LRRIQ1: variants seen among roughly 807,000 people sequenced by gnomAD.
LRRIQ1 encodes the protein leucine rich repeats and IQ motif containing 1.
LRRIQ1 carries 210 observed loss-of-function variants against 211.9 expected under a neutral mutation model. That is an observed-to-expected ratio of 0.99 (90% CI 0.89 to 1.11). LRRIQ1 has a LOEUF of 1.11. Among genes scored for constraint, LRRIQ1 ranks in the 50% most tolerant of loss-of-function variants. The pLI, the probability that LRRIQ1 is intolerant of heterozygous loss-of-function variation, is 0.00. For missense variants in LRRIQ1, 2,136 were observed against 1,939.5 expected, an observed-to-expected ratio of 1.10 and a Z score of -1.90; for synonymous variants, 699 against 650.1, an observed-to-expected ratio of 1.08 and a Z score of -1.14.
At chr12:85,216,069 CG>C (rs2137096089) in intron 24 of LRRIQ1, among the ~76,000 whole-genome samples, 1 of 152,240 alleles carries the variant, frequency 6.6e-6, no homozygotes, top group South Asian at 2.1e-4. Flanking sequence ...ATGTGCGGAA[CG>C]TGCAGGTTCG....
At chr12:85,235,162 G>A (rs1416196566) in intron 26 of LRRIQ1, among the ~76,000 whole-genome samples, 1 of 152,144 alleles carries the variant, frequency 6.6e-6, no homozygotes, top group Admixed American at 6.6e-5. Context: ...CATATTGCAT[G>A]ATAGGAATTA....
chr12:85,165,975 T>A (rs983937970), intron 24 of LRRIQ1, among the ~76,000 whole-genome samples: 1 of 152,214 alleles, frequency 6.6e-6, no homozygotes, highest in African/African-American at 2.4e-5. Flanking sequence ...GATTGCTGTG[T>A]CGAATGGTAG....
Position 85,055,267 on chromosome 12 carries a change from T to G in LRRIQ1, c.754-280T>G, listed in dbSNP as rs77168172. On this transcript the variant is annotated intron_variant, in intron 7 of 26. Coordinates refer to ENST00000393217, the MANE Select transcript of LRRIQ1 (RefSeq NM_001079910.2). Reference sequence around the variant, plus strand: ...CTTGCTTATTCTGTGTCTTTCTGATTTTATATGCTTTCTATCTTCAAGGAA... The same window carrying G: ...CTTGCTTATTCTGTGTCTTTCTGATGTTATATGCTTTCTATCTTCAAGGAA... Among the ~76,000 whole-genome samples, 940 of 152,162 alleles carry G rather than the reference T, an allele frequency of 6.2e-3. 10 individuals carry two copies. Among genetic ancestry groups the G allele is most frequent in the African/African-American group, 0.022 (899 of 41,562 alleles).
At chr12:85,184,813 T>C (rs1436728647) in intron 24 of LRRIQ1, among the ~76,000 whole-genome samples, 1 of 152,034 alleles carries the variant, frequency 6.6e-6, no homozygotes, top group East Asian at 1.9e-4. Flanking sequence ...GCAGTTTTAA[T>C]GTTAAACATA....
chr12:85,131,048 TA>T (rs35852058), intron 18 of LRRIQ1, among the ~76,000 whole-genome samples: 50,719 of 130,030 alleles, frequency 0.39, 12,697 homozygotes, highest in African/African-American at 0.74. Context: ...TCATCTCTAC[TA>T]AAAAAAAAAA....
At chr12:85,269,054 G>A (rs922324812), downstream of LRRIQ1, among the ~76,000 whole-genome samples, 2 of 151,962 alleles carry the variant, frequency 1.3e-5, no homozygotes, top group Non-Finnish European at 2.9e-5. Flanking sequence ...GAAGAATACA[G>A]CCTAAATAAA....
At chr12:85,111,622 T>G (rs1399704781) in intron 15 of LRRIQ1, among the ~76,000 whole-genome samples, 2 of 152,130 alleles carry the variant, frequency 1.3e-5, no homozygotes, top group African/African-American at 2.4e-5. Flanking sequence ...TTGTTTTTAG[T>G]GAGCAATAGA....
At chr12:85,145,460 AT>A (rs945314899) in intron 19 of LRRIQ1, among the ~76,000 whole-genome samples, 1 of 151,652 alleles carries the variant, frequency 6.6e-6, no homozygotes, top group African/African-American at 2.4e-5. Context: ...GTTTACCCTA[AT>A]TTATTAAGTG....
intron 9 of LRRIQ1, 30 bp from the exon 10 acceptor site, chr12:85,066,718 A>G: frequency 6.4e-7 from 1 of 1,554,838 alleles, no homozygotes. Context: ...CCATTGAAAT[A>G]AAACTAATTA....
At chr12:85,262,680 C>A (rs1039578007) in intron 1 of LRRIQ1, among the ~76,000 whole-genome samples, 48 of 152,162 alleles carry the variant, frequency 3.2e-4, no homozygotes, top group African/African-American at 1.2e-3. Context: ...ACCATTATAT[C>A]TATTTAATAT....
At chr12:85,144,858 C>A (rs548456447) in intron 19 of LRRIQ1, among the ~76,000 whole-genome samples, 87 of 151,606 alleles carry the variant, frequency 5.7e-4, no homozygotes, top group Non-Finnish European at 1.0e-3. Context: ...TATCTTTACC[C>A]CTTTTCCATT....
chr12:85,164,184 G>A (rs1730506210), intron 24 of LRRIQ1, among the ~76,000 whole-genome samples: 1 of 152,114 alleles, frequency 6.6e-6, no homozygotes, highest in South Asian at 2.1e-4. Context: ...AAGATCTGCA[G>A]CCAAGTTTCT....
intron 24 of LRRIQ1, among the ~76,000 whole-genome samples, chr12:85,211,674 A>G (rs1275828720): frequency 6.6e-6 from 1 of 152,204 alleles, no homozygotes; most frequent in Non-Finnish European, 1.5e-5. Context: ...TGCCTCACAT[A>G]TTGACATGTA....
At chr12:85,138,114 A>G in intron 19 of LRRIQ1, 145 bp downstream of exon 19, 1 of 545,314 alleles carries the variant, frequency 1.8e-6, no homozygotes, top group East Asian at 3.2e-5. Flanking sequence ...TCCTAACATC[A>G]TCTTCTTTTA....
At chr12:85,213,773 C>G (rs2137082550) in intron 24 of LRRIQ1, among the ~76,000 whole-genome samples, 1 of 151,692 alleles carries the variant, frequency 6.6e-6, no homozygotes, top group African/African-American at 2.4e-5. Context: ...GTAACAATAA[C>G]AAAAACACCA....
At chr12:85,175,652 G>A (rs933443205) in intron 24 of LRRIQ1, among the ~76,000 whole-genome samples, 3 of 152,090 alleles carry the variant, frequency 2.0e-5, no homozygotes, top group African/African-American at 7.2e-5. Context: ...TAATGTTTAA[G>A]TCTTTAATCC....
In LRRIQ1 at chr12:85,056,681, T is replaced by G; in HGVS notation, c.1888T>G (p.Leu630Val). ...CAAAGATGTAAGAGAAAACGTAATA[T>G]TACAAGAAAAAGAAATTTATTCAAA... is the stretch of plus-strand genomic sequence containing the variant. ...NSKDVRENVI[L>V]QEKEIYSKSK... Residue 630 changes from leucine (L) to valine (V), a missense_variant, in exon 8 of 27, where the codon TTA (leucine) becomes GTA (valine). Transcript: ENST00000393217. The G allele has an allele frequency of 6.2e-7, 1 of 1,605,512 alleles. No homozygotes were observed. Among genetic ancestry groups the G allele is most frequent in the Non-Finnish European group, 8.5e-7 (1 of 1,176,732 alleles).
rs756156616 is a variant in LRRIQ1 at position 85,073,031 on chromosome 12, G to T, written c.2820G>T (p.Trp940Cys). The change falls in exon 11 of 27, where the codon TGG (tryptophan) becomes TGT (cysteine). Residue 940 changes from tryptophan to cysteine, a missense_variant. Transcript: ENST00000393217. The stretch of plus-strand genomic sequence containing the variant: ...TTCCAACTGGATTATGTTGGTCCTG[G>T]ATACCTATTACCTCACTTACAAAAA... ...VWIPTGLCWS[W>C]IPITSLTKNS... 2 of 1,612,242 alleles carry T rather than the reference G, an allele frequency of 1.2e-6. No individual in the cohort carries two copies. The highest frequency in any genetic ancestry group is 2.2e-5 in the East Asian group (1 of 44,784).
Position 85,098,932 on chromosome 12 carries a change from T to G in LRRIQ1, c.3147T>G (p.Thr1049=), listed in dbSNP as rs1886130120. Residue 1049 remains threonine (T), a synonymous_variant, in exon 13 of 27, where the codon ACT becomes ACG. Transcript: ENST00000393217. The part of the protein sequence containing the change: ...ELHLDDNSIS[T]VEAFSSYWLP... ...ACTTGGATGATAACAGCATTTCAAC[T>G]GTGGAAGCATTTTCTTCATACTGGC... 1 of 1,574,448 alleles carries G rather than the reference T, an allele frequency of 6.4e-7. No individual in the cohort carries two copies. Among genetic ancestry groups the G allele is most frequent in the South Asian group, 1.2e-5 (1 of 85,814 alleles).
Sources: allele counts gnomAD v4.1 joint callset (sites outside exome capture counted in the v4.1 genomes callset), GRCh38; gene constraint gnomAD v4.1.1; transcripts MANE v1.5; gene names NCBI Gene and HGNC (gene_info 2026-07-23, HGNC 2026-07-21).